VASH1: variants seen among roughly 807,000 people sequenced by gnomAD.
The protein encoded by VASH1 is vasohibin 1, also known as tubulinyl-Tyr carboxypeptidase 1.
In VASH1, 16 loss-of-function variants were observed where a neutral mutation model predicts 35.0. The ratio of observed to expected loss-of-function variants is 0.46; its 90% CI spans 0.31 to 0.70. The LOEUF (loss-of-function observed/expected upper bound fraction) is 0.70, where lower values mean the gene tolerates loss of function less well. VASH1 is among the 30% of genes least tolerant of loss of function. The probability of loss-of-function intolerance (pLI) is 0.05; values close to 1 mark genes in which losing one functional copy is unlikely to be tolerated. For missense variants in VASH1, 505 were observed against 510.7 expected (o/e 0.99, Z 0.11); for synonymous variants, 214 against 200.9 (o/e 1.07, Z -0.55).
At chr14:76,770,456 GA>G (rs1283183364) in intron 2 of VASH1, among the ~76,000 whole-genome samples, 1 of 152,180 alleles carries the variant, frequency 6.6e-6, no homozygotes, top group Non-Finnish European at 1.5e-5. Context: ...TGAATAAAGG[GA>G]AAAATGGCAG....
At chr14:76,770,341 T>A (rs890568219) in intron 2 of VASH1, among the ~76,000 whole-genome samples, 2 of 142,166 alleles carry the variant, frequency 1.4e-5, no homozygotes, top group Non-Finnish European at 3.0e-5. Flanking sequence ...CCTGAGTGAC[T>A]TGCTGGTGGG....
Position 76,775,893 on chromosome 14 carries a change from TACCTC to T in VASH1, c.536_540del (p.Leu179GlnfsTer109). On this transcript the variant is annotated frameshift_variant and splice_region_variant, in exon 5 of 7. Coordinates refer to ENST00000167106, the MANE Select transcript of VASH1 (RefSeq NM_014909.5). LOFTEE classifies it high-confidence loss of function. Reference sequence around the variant, plus strand: ...TTTCCTTAGCGGGGCACTGGCCAGTTACCTCACCAACAGCATGCCCACCCTGGAGC... The same window carrying T: ...TTTCCTTAGCGGGGCACTGGCCAGTTACCAACAGCATGCCCACCCTGGAGC... 1 of 1,570,320 alleles carries T rather than the reference TACCTC, an allele frequency of 6.4e-7. No individual in the cohort carries two copies. The highest frequency in any genetic ancestry group is 8.6e-7 in the Non-Finnish European group (1 of 1,156,228).
intron 1 of VASH1, chr14:76,769,452 C>T (rs758554355): frequency 7.0e-6 from 9 of 1,288,976 alleles, no homozygotes; most frequent in South Asian, 2.5e-5. Flanking sequence ...GAAGGCATGG[C>T]GAATATGCCC....
intron 1 of VASH1, among the ~76,000 whole-genome samples, chr14:76,767,789 G>C (rs961651312): frequency 4.6e-5 from 7 of 152,260 alleles, no homozygotes; most frequent in Middle Eastern, 3.2e-3. Context: ...GAGTCAAGGA[G>C]CTAGCCTCGG....
In VASH1 at chr14:76,772,985, T is replaced by A. The variant is rs1274090157; in HGVS notation, c.456-152T>A. ...GCTCCAGACTTCCGTCCGTCGGGAG[T>A]GTGGAGGGAGGTGCTGGGCCTGAGC... On this transcript the variant is annotated intron_variant, in intron 3 of 6. Transcript: ENST00000167106. 6 of 624,122 alleles carry A rather than the reference T, an allele frequency of 9.6e-6. No homozygotes were observed. The East Asian group carries it at 1.8e-4, about 19-fold the overall frequency. The allele number at this position is 624,122 out of a possible 1,614,324, so 38.7% of individuals were successfully genotyped here. A position where few individuals can be genotyped will look rare whatever the true frequency, so the allele number is the denominator to read the frequency against.
intron 1 of VASH1, among the ~76,000 whole-genome samples, chr14:76,764,007 TA>T (rs35932679): frequency 1.6e-3 from 225 of 143,508 alleles, no homozygotes; most frequent in Admixed American, 2.1e-3. Flanking sequence ...TGCCAGATAT[TA>T]AAAAAAAAAA....
chr14:76,761,722 G>T lies in VASH1; in HGVS notation c.-1100G>T, dbSNP rs966288145. ...CGAGGCTGCGCGAGCCTCCGGGCTT[G>T]CGGTCCCCGCCCCGCGGTCCTTCCT... On this transcript the variant is annotated 5_prime_UTR_variant, in exon 1 of 7. Coordinates refer to ENST00000167106, the MANE Select transcript of VASH1 (RefSeq NM_014909.5). Among the ~76,000 whole-genome samples the T allele has an allele frequency of 1.1e-4, 16 of 151,894 alleles. No homozygotes were observed. Among genetic ancestry groups the T allele is most frequent in the African/African-American group, 3.9e-4 (16 of 41,426 alleles).
At position 76,762,845 on chromosome 14, in the gene VASH1, T is replaced by G. The variant is rs761212181; in HGVS notation, c.24T>G (p.Ala8=). 16 of 1,506,136 alleles carry G rather than the reference T, an allele frequency of 1.1e-5. No individual in the cohort carries two copies. Among genetic ancestry groups the G allele is most frequent in the Non-Finnish European group, 1.4e-5 (16 of 1,127,594 alleles). 93.3% of individuals were successfully genotyped at this position (1,506,136 alleles called of 1,614,324 possible). The change falls in exon 1 of 7, where the codon GCT becomes GCG. Residue 8 remains alanine (A), a synonymous_variant. Transcript: ENST00000167106. ...GGATGCCAGGGGGGAAGAAGGTGGC[T>G]GGGGGTGGCAGCAGCGGTGCCACTC... MPGGKKV[A]GGGSSGATPT...
chr14:76,778,210 G>T, intron 6 of VASH1, 139 bp downstream of exon 6: 1 of 622,980 alleles, frequency 1.6e-6, no homozygotes, highest in Non-Finnish European at 2.5e-6. Flanking sequence ...GACTTGGGAT[G>T]GTGGGTTTAG....
intron 2 of VASH1, among the ~76,000 whole-genome samples, chr14:76,770,930 A>G (rs1267802598): frequency 6.6e-6 from 1 of 152,240 alleles, no homozygotes; most frequent in Non-Finnish European, 1.5e-5. Flanking sequence ...TCCCAGCCAC[A>G]GCCTCTTTCT....
At chr14:76,771,162 C>A in intron 2 of VASH1, 28 bp from the exon 3 acceptor site, 1 of 1,544,910 alleles carries the variant, frequency 6.5e-7, no homozygotes, top group Non-Finnish European at 8.7e-7. Context: ...TCAGGCCAAG[C>A]TAGGAAGCCC....
chr14:76,774,242 G>C (rs746674757), intron 4 of VASH1: 6 of 152,224 alleles, frequency 3.9e-5, no homozygotes, highest in African/African-American at 1.4e-4. Flanking sequence ...TTCTCTTCCC[G>C]CAGAGGTCTC....
chr14:76,779,162 C>T lies in VASH1; in HGVS notation c.*144C>T. The T allele has an allele frequency of 1.1e-6, 1 of 927,894 alleles. No homozygotes were observed. Among genetic ancestry groups the T allele is most frequent in the Non-Finnish European group, 1.7e-6 (1 of 587,370 alleles). 57.5% of individuals were successfully genotyped at this position (927,894 alleles called of 1,614,324 possible). On this transcript the variant is annotated 3_prime_UTR_variant, in exon 7 of 7. Transcript: ENST00000167106. Reference sequence around the variant, plus strand: ...AAGAGTGTGTTCCAGCTCAGCCCCCCAAGCTGCTCTCGCTCCCACTGAGCC... The same window carrying T: ...AAGAGTGTGTTCCAGCTCAGCCCCCTAAGCTGCTCTCGCTCCCACTGAGCC...
intron 4 of VASH1, chr14:76,773,953 A>C (rs1324703458): frequency 1.3e-5 from 2 of 152,196 alleles, no homozygotes; most frequent in African/African-American, 4.8e-5. Context: ...AGCTTCACCA[A>C]CTCAAAGCCA....
At chr14:76,764,500 G>A (rs1048401517) in intron 1 of VASH1, among the ~76,000 whole-genome samples, 41 of 152,112 alleles carry the variant, frequency 2.7e-4, no homozygotes, top group African/African-American at 9.2e-4. Flanking sequence ...AAAGTATTGC[G>A]TCAAAGGATA....
At chr14:76,764,005 A>G (rs150179660) in intron 1 of VASH1, among the ~76,000 whole-genome samples, 2 of 138,938 alleles carry the variant, frequency 1.4e-5, no homozygotes, top group Non-Finnish European at 3.1e-5. Flanking sequence ...CATGCCAGAT[A>G]TTAAAAAAAA....
Position 76,779,133 on chromosome 14 carries a change from C to A in VASH1, c.*115C>A. The A allele has an allele frequency of 8.5e-7, 1 of 1,177,288 alleles. No homozygotes were observed. Among genetic ancestry groups the A allele is most frequent in the Non-Finnish European group, 1.3e-6 (1 of 799,472 alleles). The allele number at this position is 1,177,288 out of a possible 1,614,324, so 72.9% of individuals were successfully genotyped here. ...GGTGACAAGGCAGGGCAAGAGGCTG[C>A]AGGAAGAGTGTGTTCCAGCTCAGCC... On this transcript the variant is annotated 3_prime_UTR_variant, in exon 7 of 7. Transcript: ENST00000167106.
intron 1 of VASH1, among the ~76,000 whole-genome samples, chr14:76,763,634 C>T (rs1187532416): frequency 6.6e-6 from 1 of 152,198 alleles, no homozygotes; most frequent in African/African-American, 2.4e-5. Context: ...AACTCAAGAT[C>T]CCACAGCCAG....
Position 76,778,016 on chromosome 14 carries a change from TCC to T in VASH1, c.973_974del (p.Pro325AlafsTer15). The part of the protein sequence containing the change: ...PTKDRKKDVS[S>X]PQRAQSSPHR... The stretch of plus-strand genomic sequence containing the variant: ...CAAGGACCGGAAGAAGGATGTTTCT[TCC>T]CCGCAGCGGGCCCAGTCCAGCCCCC... On this transcript the variant is annotated frameshift_variant, in exon 6 of 7. Coordinates refer to ENST00000167106, the MANE Select transcript of VASH1 (RefSeq NM_014909.5). LOFTEE classifies it high-confidence loss of function. 6.5e-7 allele frequency: 1 copy of T among 1,544,170 alleles called. No homozygotes were observed. The highest frequency in any genetic ancestry group is 8.7e-7 in the Non-Finnish European group (1 of 1,145,912).
Sources: gnomAD v4.1 joint callset for allele counts (sites outside exome capture counted in the v4.1 genomes callset) on GRCh38, gnomAD v4.1.1 for gene constraint, MANE v1.5 for transcripts, NCBI Gene and HGNC (gene_info 2026-07-23, HGNC 2026-07-21) for gene names.